The following ADRA1A variants were observed in gnomAD, a reference collection of about 807,000 sequenced individuals.
ADRA1A encodes adrenoceptor alpha 1A, also known as alpha-1A adrenergic receptor.
A neutral mutation model predicts 29.6 loss-of-function variants in ADRA1A; 31 were observed. The observed-to-expected ratio is 1.05, with a 90% CI of 0.79 to 1.41. The LOEUF (loss-of-function observed/expected upper bound fraction) is 1.41. Among genes scored for constraint, ADRA1A ranks in the 40% most tolerant of loss-of-function variants. ADRA1A has a pLI of 0.00. For missense variants in ADRA1A, 619 were observed against 601.1 expected, an observed-to-expected ratio of 1.03 and a Z score of -0.31; for synonymous variants, 311 against 254.3, an observed-to-expected ratio of 1.22 and a Z score of -2.12.
At position 26,815,524 on chromosome 8, in the gene ADRA1A, C is replaced by T. The variant is rs955675320; in HGVS notation, c.884-44858G>A. On this transcript the variant is annotated intron_variant, in intron 2 of 2. Coordinates refer to ENST00000380573, the MANE Select transcript of ADRA1A (RefSeq NM_000680.4). This position sits in a 1 kb window ranked among gnomAD's most constrained non-coding sequence, Gnocchi z 4.2. ...ACCACATCAGGACAGAAGATGAGGC[C>T]TTGGGCTTACATAAAATTGGAAGGA... is the stretch of plus-strand genomic sequence containing the variant. Among the ~76,000 whole-genome samples, 1 of 152,100 alleles carries T rather than the reference C, an allele frequency of 6.6e-6. No homozygotes were observed. The highest frequency in any genetic ancestry group is 2.4e-5 in the African/African-American group (1 of 41,396).
downstream of ADRA1A, among the ~76,000 whole-genome samples, chr8:26,755,817 G>A (rs895577113): frequency 6.6e-6 from 1 of 152,150 alleles, no homozygotes; most frequent in Non-Finnish European, 1.5e-5. Flanking sequence ...GAATATTATA[G>A]AGTGAATAAA....
At chr8:26,867,376 G>A (rs1813971893), upstream of ADRA1A, 1 of 985,306 alleles carries the variant, frequency 1.0e-6, no homozygotes. Context: ...TTTTCCTCTG[G>A]CCTAGAGGGG....
chr8:26,771,153 T>C (rs939049836), intron 2 of ADRA1A, among the ~76,000 whole-genome samples: 1 of 152,274 alleles, frequency 6.6e-6, no homozygotes, highest in African/African-American at 2.4e-5. Flanking sequence ...GTTAGAATTA[T>C]GGATTTTGAT....
chr8:26,845,985 A>G (rs1812168075), intron 2 of ADRA1A, among the ~76,000 whole-genome samples: 1 of 152,180 alleles, frequency 6.6e-6, no homozygotes. Context: ...GTGCTTTGGA[A>G]CTAGATAGTG....
At chr8:26,847,411 C>CT (rs1402290185) in intron 2 of ADRA1A, among the ~76,000 whole-genome samples, 1 of 152,116 alleles carries the variant, frequency 6.6e-6, no homozygotes, top group African/African-American at 2.4e-5. Flanking sequence ...CCTAAAGTTT[C>CT]TTTTTAAAAA....
In ADRA1A at chr8:26,769,882, G is replaced by A. The variant is rs536934332; in HGVS notation, c.*267C>T. On this transcript the variant is annotated 3_prime_UTR_variant, in exon 3 of 3. Coordinates refer to ENST00000380573, the MANE Select transcript of ADRA1A (RefSeq NM_000680.4). ...AATTCTGTTTCCCATGGTGGTTTTC[G>A]TTGAAGTGGGCACAGAGTGACCAAG... 3.1e-5 allele frequency: 37 copies of A among 1,187,884 alleles called. No individual in the cohort carries two copies. Among genetic ancestry groups the A allele is most frequent in the Middle Eastern group, 3.3e-4 (1 of 2,986 alleles). 73.6% of individuals were successfully genotyped at this position (1,187,884 alleles called of 1,614,324 possible).
chr8:26,841,852 G>A lies in ADRA1A; in HGVS notation c.883+22235C>T, dbSNP rs901407698. ...CTTCTCTGCTGCATTTGATATTGGCGCCACTTTCTCTTCACTAAAATTCTC... is the reference window on the plus strand; with the variant it reads ...CTTCTCTGCTGCATTTGATATTGGCACCACTTTCTCTTCACTAAAATTCTC... On this transcript the variant is annotated intron_variant, in intron 2 of 2. Coordinates refer to ENST00000380573, the MANE Select transcript of ADRA1A (RefSeq NM_000680.4). This position sits in a 1 kb window ranked among gnomAD's most constrained non-coding sequence, Gnocchi z 4.4. Among the ~76,000 whole-genome samples the A allele has an allele frequency of 9.2e-5, 14 of 151,952 alleles. No individual in the cohort carries two copies. Among genetic ancestry groups the A allele is most frequent in the Middle Eastern group, 3.4e-3 (1 of 294 alleles).
At chr8:26,773,981 T>C (rs1400453608) in intron 2 of ADRA1A, among the ~76,000 whole-genome samples, 1 of 152,224 alleles carries the variant, frequency 6.6e-6, no homozygotes, top group African/African-American at 2.4e-5. Flanking sequence ...AGAGAGTTGA[T>C]TAAAACTAAT....
Position 26,769,994 on chromosome 8 carries a change from C to T in ADRA1A, c.*155G>A, listed in dbSNP as rs958818306. ...CCCTCCCTCTTCCCTGTGCCCTACC[C>T]GCTGCCTGATGAGTTGGGTCTACCA... On this transcript the variant is annotated 3_prime_UTR_variant, in exon 3 of 3. Transcript: ENST00000380573. 47 of 1,440,894 alleles carry T rather than the reference C, an allele frequency of 3.3e-5. No homozygotes were observed. The highest frequency in any genetic ancestry group is 1.2e-4 in the South Asian group (7 of 56,244). 89.3% of individuals were successfully genotyped at this position (1,440,894 alleles called of 1,614,324 possible).
intron 2 of ADRA1A, among the ~76,000 whole-genome samples, chr8:26,838,729 T>A (rs1313081531): frequency 6.6e-6 from 1 of 152,176 alleles, no homozygotes; most frequent in African/African-American, 2.4e-5. Flanking sequence ...GCCATTACTA[T>A]CAAAAAAGTG....
At chr8:26,762,660 A>G (rs117254619), downstream of ADRA1A, among the ~76,000 whole-genome samples, 2,537 of 152,280 alleles carry the variant, frequency 0.017, 131 homozygotes, top group Admixed American at 0.1. The surrounding 1 kb of genome is among the most constrained non-coding windows in gnomAD (Gnocchi z 4.0). Flanking sequence ...CAGGGGACGA[A>G]GAAGGGAAGG....
intron 2 of ADRA1A, among the ~76,000 whole-genome samples, chr8:26,826,040 T>C (rs956589274): frequency 2.6e-5 from 4 of 152,236 alleles, no homozygotes; most frequent in African/African-American, 9.6e-5. Context: ...TTCATTTTCG[T>C]CATGGAGATC....
intron 2 of ADRA1A, among the ~76,000 whole-genome samples, chr8:26,813,696 T>C (rs1316428226): frequency 6.6e-6 from 1 of 152,026 alleles, no homozygotes; most frequent in Non-Finnish European, 1.5e-5. Flanking sequence ...AGTTGCCTAA[T>C]TAGAAAGTAA....
intron 2 of ADRA1A, among the ~76,000 whole-genome samples, chr8:26,837,357 C>T (rs540508618): frequency 6.6e-6 from 1 of 152,092 alleles, no homozygotes; most frequent in African/African-American, 2.4e-5. Flanking sequence ...CTATTAAAGT[C>T]TACAATAGCC....
At chr8:26,803,637 A>T (rs62492223) in intron 2 of ADRA1A, among the ~76,000 whole-genome samples, 13,210 of 152,224 alleles carry the variant, frequency 0.087, 904 homozygotes, top group East Asian at 0.33. Context: ...AATAGACAAA[A>T]CACAGCCTAC....
At chr8:26,749,929 T>C (rs1003755237) in intron 2 of ADRA1A, among the ~76,000 whole-genome samples, 1 of 152,186 alleles carries the variant, frequency 6.6e-6, no homozygotes, top group Non-Finnish European at 1.5e-5. Context: ...AGCTTTTCCA[T>C]TAGTGTTTGG....
At chr8:26,801,278 T>C (rs1808557161) in intron 2 of ADRA1A, among the ~76,000 whole-genome samples, 1 of 151,860 alleles carries the variant, frequency 6.6e-6, no homozygotes, top group Non-Finnish European at 1.5e-5. Context: ...CCTAACTAGA[T>C]CAATCAGACA....
rs948425696 is a variant in ADRA1A at position 26,825,251 on chromosome 8, A to T, written c.883+38836T>A. On this transcript the variant is annotated intron_variant, in intron 2 of 2. Transcript: ENST00000380573. The surrounding 1 kb of genome is among the most constrained non-coding windows in gnomAD (Gnocchi z 5.7). The stretch of plus-strand genomic sequence containing the variant: ...TCTTTAGGGAATGGGGGTCATAGAG[A>T]TATCTTCACTCTCTAGCTTGTTTTC... Among the ~76,000 whole-genome samples, 1 of 151,806 alleles carries T rather than the reference A, an allele frequency of 6.6e-6. No individual in the cohort carries two copies. The highest frequency in any genetic ancestry group is 1.5e-5 in the Non-Finnish European group (1 of 67,962).
chr8:26,764,065 C>T (rs1328385169), downstream of ADRA1A, among the ~76,000 whole-genome samples: 1 of 152,188 alleles, frequency 6.6e-6, no homozygotes, highest in Non-Finnish European at 1.5e-5. Context: ...CTCTATCCAG[C>T]TTGTAAGCTG....
Sources: gnomAD v4.1 joint callset for allele counts (sites outside exome capture counted in the v4.1 genomes callset) on GRCh38, gnomAD v4.1.1 for gene constraint, Gnocchi (gnomAD v3.1) non-coding constraint, MANE v1.5 for transcripts, NCBI Gene and HGNC (gene_info 2026-07-23, HGNC 2026-07-21) for gene names.